Variants in CLIC6 observed in about 807,000 individuals in gnomAD.
CLIC6 encodes chloride intracellular channel protein 6.
Under a neutral mutation model 49.2 loss-of-function variants are expected in CLIC6, and 39 were observed. The ratio of observed to expected loss-of-function variants is 0.79; its 90% CI spans 0.61 to 1.04. CLIC6 has a LOEUF of 1.04. CLIC6 is among the 50% of genes least tolerant of loss of function. The probability of loss-of-function intolerance (pLI) is 0.00; values close to 1 mark genes in which losing one functional copy is unlikely to be tolerated. For missense variants in CLIC6, 988 were observed against 993.1 expected, an observed-to-expected ratio of 0.99 and a Z score of 0.07; for synonymous variants, 446 against 433.4, an observed-to-expected ratio of 1.03 and a Z score of -0.36.
intron 1 of CLIC6, among the ~76,000 whole-genome samples, chr21:34,682,450 A>G (rs1217899949): frequency 6.6e-6 from 1 of 152,004 alleles, no homozygotes; most frequent in Non-Finnish European, 1.5e-5. Flanking sequence ...TCTTTTATAT[A>G]TTGATATTTG....
intron 1 of CLIC6, among the ~76,000 whole-genome samples, chr21:34,685,039 G>C (rs533993964): frequency 6.6e-6 from 1 of 152,182 alleles, no homozygotes; most frequent in African/African-American, 2.4e-5. Context: ...CCACTGGAGA[G>C]GGTACCTGGC....
chr21:34,693,711 G>A (rs1023848861), intron 1 of CLIC6, among the ~76,000 whole-genome samples: 9 of 152,188 alleles, frequency 5.9e-5, no homozygotes, highest in African/African-American at 2.2e-4. Context: ...AAGGTGATGT[G>A]AAGGAACAAG....
Position 34,704,357 on chromosome 21 carries a change from A to G in CLIC6, c.1375-2923A>G, listed in dbSNP as rs148093265. ...GCAAGTCATCCCAGTCACTCCCACC[A>G]TGTTCCCGTAACCCCCTCATTTACA... is the stretch of plus-strand genomic sequence containing the variant. On this transcript the variant is annotated intron_variant, in intron 1 of 5. Coordinates refer to ENST00000349499, the MANE Select transcript of CLIC6 (RefSeq NM_053277.3). Among the ~76,000 whole-genome samples the G allele has an allele frequency of 9.7e-3, 1,474 of 152,296 alleles. 36 individuals are homozygous for G. Among genetic ancestry groups the G allele is most frequent in the African/African-American group, 0.034 (1,406 of 41,544 alleles).
chr21:34,682,801 ATTTTTTTTTTTTTTT>A (rs1172251761), intron 1 of CLIC6, among the ~76,000 whole-genome samples: 4 of 69,272 alleles, frequency 5.8e-5, no homozygotes, highest in Admixed American at 2.3e-4. Flanking sequence ...CTTTCCCTCC[ATTTTTTTTTTTTTTT>A]TTTTTTTTTT....
chr21:34,713,584 A>C (rs2056069986), intron 5 of CLIC6, among the ~76,000 whole-genome samples: 1 of 152,200 alleles, frequency 6.6e-6, no homozygotes, highest in South Asian at 2.1e-4. Flanking sequence ...AAAATCATCT[A>C]AAATCAAGTG....
chr21:34,669,776 G>A lies in CLIC6; in HGVS notation c.388G>A (p.Glu130Lys), dbSNP rs1251205869. Residue 130 changes from glutamate to lysine, a missense_variant, in exon 1 of 6, where the codon GAG (glutamate) becomes AAG (lysine). Transcript: ENST00000349499. Reference protein sequence around the residue: ...EPRGEAQREPEDSAAPERQEE... With the variant: ...EPRGEAQREPKDSAAPERQEE... ...CCGCGGGGAGGCTCAGAGGGAGCCC[G>A]AGGACTCTGCGGCCCCCGAGAGGCA... 1.4e-6 allele frequency: 2 copies of A among 1,422,798 alleles called. No individual in the cohort carries two copies. Among genetic ancestry groups the A allele is most frequent in the African/African-American group, 3.0e-5 (2 of 65,808 alleles). 88.1% of individuals were successfully genotyped at this position (1,422,798 alleles called of 1,614,324 possible).
At chr21:34,682,089 G>T (rs150794018) in intron 1 of CLIC6, among the ~76,000 whole-genome samples, 13 of 152,298 alleles carry the variant, frequency 8.5e-5, no homozygotes, top group African/African-American at 2.4e-4. Flanking sequence ...TGTTTAGGTA[G>T]CTTCCTCTTT....
At chr21:34,693,153 A>C (rs988326002) in intron 1 of CLIC6, among the ~76,000 whole-genome samples, 2 of 152,230 alleles carry the variant, frequency 1.3e-5, no homozygotes, top group Non-Finnish European at 2.9e-5. Flanking sequence ...CTAGACAAAA[A>C]GACATTGCCT....
rs142329053 is a variant in CLIC6 at position 34,709,361 on chromosome 21, T to G, written c.1722T>G (p.His574Gln). 8.7e-5 allele frequency: 140 copies of G among 1,612,182 alleles called. No individual in the cohort carries two copies. Among genetic ancestry groups the G allele is most frequent in the Non-Finnish European group, 1.1e-4 (131 of 1,179,336 alleles). Residue 574 changes from histidine to glutamine, a missense_variant, in exon 5 of 6, where the codon CAT becomes CAG. Physicochemically the swap from His to Gln is conservative, Grantham distance 24. Transcript: ENST00000349499. ...TTTCTTGCCCTTCTGTTTTAGTTCA[T>G]GAAAAGAACCTGCTGAAGGCCCTGA... Reference protein sequence around the residue: ...KNTKKDANEIHEKNLLKALRK... With the variant: ...KNTKKDANEIQEKNLLKALRK...
chr21:34,714,868 G>T (rs2056077553), intron 5 of CLIC6, among the ~76,000 whole-genome samples: 2 of 152,140 alleles, frequency 1.3e-5, no homozygotes, highest in Admixed American at 1.3e-4. Context: ...ACGTTCATAG[G>T]CATGGCCTTA....
At chr21:34,685,687 A>C (rs1439821981) in intron 1 of CLIC6, among the ~76,000 whole-genome samples, 1 of 152,246 alleles carries the variant, frequency 6.6e-6, no homozygotes, top group Non-Finnish European at 1.5e-5. Flanking sequence ...AAAGAAACAC[A>C]GAGCTATTAA....
At chr21:34,709,566 C>T (rs780393925) in intron 5 of CLIC6, 28 bp downstream of exon 5, 32 of 1,594,870 alleles carry the variant, frequency 2.0e-5, no homozygotes, top group African/African-American at 8.1e-5. Context: ...ACACGTGTGC[C>T]GAGTACACGA....
intron 1 of CLIC6, among the ~76,000 whole-genome samples, chr21:34,688,494 G>A (rs1367723510): frequency 1.3e-5 from 2 of 152,242 alleles, no homozygotes; most frequent in South Asian, 2.1e-4. Context: ...AGTCTGCATA[G>A]ACGCCCTGTA....
intron 1 of CLIC6, among the ~76,000 whole-genome samples, chr21:34,672,283 T>C (rs1476166950): frequency 2.0e-5 from 3 of 152,208 alleles, no homozygotes; most frequent in Non-Finnish European, 4.4e-5. Flanking sequence ...CACAAGGCCC[T>C]TTGTGATGTT....
chr21:34,673,243 T>C (rs1989600277), intron 1 of CLIC6, among the ~76,000 whole-genome samples: 1 of 151,958 alleles, frequency 6.6e-6, no homozygotes, highest in Admixed American at 6.6e-5. Flanking sequence ...CTTTTTTTTT[T>C]CTTAAGGAAA....
chr21:34,702,288 C>T (rs1281582065), intron 1 of CLIC6, among the ~76,000 whole-genome samples: 1 of 152,168 alleles, frequency 6.6e-6, no homozygotes, highest in Non-Finnish European at 1.5e-5. Context: ...GCCCGTGTCC[C>T]AGGACCGTCT....
chr21:34,671,093 G>A (rs1203622917), intron 1 of CLIC6, among the ~76,000 whole-genome samples: 1 of 143,072 alleles, frequency 7.0e-6, no homozygotes, highest in African/African-American at 2.6e-5. Context: ...TCCTAGTCAG[G>A]AGGTTATTAA....
chr21:34,716,571 T>G lies in CLIC6; in HGVS notation c.*89T>G. ...GAAAACAAATTAGGTTTGGGTTCAA[T>G]TCCTTCAATTTTTAAAAAACTGGTC... On this transcript the variant is annotated 3_prime_UTR_variant, in exon 6 of 6. Transcript: ENST00000349499. The G allele has an allele frequency of 1.9e-6, 2 of 1,071,954 alleles. No homozygotes were observed. Among genetic ancestry groups the G allele is most frequent in the Non-Finnish European group, 2.6e-6 (2 of 782,874 alleles). The allele number at this position is 1,071,954 out of a possible 1,614,324, so 66.4% of individuals were successfully genotyped here.
rs576868648 is a variant in CLIC6, at chr21:34,669,456, C to T, written c.68C>T (p.Pro23Leu). 31 of 1,233,892 alleles carry T rather than the reference C, an allele frequency of 2.5e-5. No homozygotes were observed. In the South Asian group the frequency reaches 1.1e-3, roughly 43 times the overall value. The allele number at this position is 1,233,892 out of a possible 1,614,324, so 76.4% of individuals were successfully genotyped here. Reference protein sequence around the residue: ...GPQGPPEVPAPLAERPGEPGA... With the variant: ...GPQGPPEVPALLAERPGEPGA... Reference sequence around the variant, plus strand: ...CAGGGGCCGCCGGAGGTCCCCGCGCCTCTGGCTGAGAGACCCGGAGAGCCA... The same window carrying T: ...CAGGGGCCGCCGGAGGTCCCCGCGCTTCTGGCTGAGAGACCCGGAGAGCCA... The change falls in exon 1 of 6, where the codon CCT becomes CTT. Residue 23 changes from proline to leucine, a missense_variant. By Grantham distance (98) the Pro-to-Leu change is moderately conservative. Around this residue, in one of 3 missense-constraint regions of CLIC6, gnomAD observed 284 missense variants for 278.6 expected, o/e 1.02. Coordinates refer to ENST00000349499, the MANE Select transcript of CLIC6 (RefSeq NM_053277.3).
Sources: gnomAD v4.1 joint callset for allele counts (sites outside exome capture counted in the v4.1 genomes callset) on GRCh38, gnomAD v4.1.1 for gene constraint, gnomAD v4.1.1 regional missense constraint, MANE v1.5 for transcripts, NCBI Gene and HGNC (gene_info 2026-07-23, HGNC 2026-07-21) for gene names.